The following MARCHF8 variants were observed in gnomAD, a reference collection of about 807,000 sequenced individuals.
The protein encoded by MARCHF8 is E3 ubiquitin-protein ligase MARCHF8.
Under a neutral mutation model 51.6 loss-of-function variants are expected in MARCHF8, and 40 were observed. The ratio of observed to expected loss-of-function variants is 0.77; its 90% CI spans 0.60 to 1.01. The LOEUF is 1.01. Ranked by LOEUF, MARCHF8 falls within the 50% of genes least tolerant of loss-of-function variation. The pLI is 0.00. For missense variants in MARCHF8, 685 were observed against 708.6 expected (o/e 0.97, Z 0.38); for synonymous variants, 263 against 280.3 (o/e 0.94, Z 0.62).
intron 1 of MARCHF8, among the ~76,000 whole-genome samples, chr10:45,563,630 G>A (rs2044334307): frequency 6.6e-6 from 1 of 152,058 alleles, no homozygotes; most frequent in Non-Finnish European, 1.5e-5. Flanking sequence ...AAAAAGAAAA[G>A]AGCACGGAAA....
At chr10:45,463,032 A>G in intron 5 of MARCHF8, 119 bp downstream of exon 5, 1 of 1,319,052 alleles carries the variant, frequency 7.6e-7, no homozygotes, top group Non-Finnish European at 1.0e-6. Flanking sequence ...AAAACCATCA[A>G]CCCACAACTG....
Position 45,563,050 on chromosome 10 carries a change from A to T in MARCHF8, c.-78-29761T>A, listed in dbSNP as rs573705384. Among the ~76,000 whole-genome samples the T allele has an allele frequency of 2.6e-5, 4 of 151,396 alleles. No homozygotes were observed. In the South Asian group the frequency reaches 8.4e-4, roughly 32 times the overall value. On this transcript the variant is annotated intron_variant, in intron 1 of 6. Transcript: ENST00000319836. ...CTCTCCTTCCCCTCCCTTCCAAGACAGAGTCTCACTCTGTCACCCAGGCTG... is the reference window on the plus strand; with the variant it reads ...CTCTCCTTCCCCTCCCTTCCAAGACTGAGTCTCACTCTGTCACCCAGGCTG...
chr10:45,562,265 G>A (rs2044319195), intron 1 of MARCHF8, among the ~76,000 whole-genome samples: 1 of 152,134 alleles, frequency 6.6e-6, no homozygotes, highest in African/African-American at 2.4e-5. Context: ...TTCAAAAACA[G>A]ATAAAAGACT....
At chr10:45,543,797 C>CAAAA (rs35514763) in intron 1 of MARCHF8, among the ~76,000 whole-genome samples, 871 of 49,732 alleles carry the variant, frequency 0.018, 49 homozygotes, top group African/African-American at 0.027. Context: ...GACTCCGTCT[C>CAAAA]AAAAAAAAAA....
rs541267602 is a variant in MARCHF8, at chr10:45,512,462, G to A, written c.102+20648C>T. ...AGGTGAGGGGCACCTCTGCCCGGCCGCCCCTACTGGGAAGTGAGGAGCCCC... is the reference window on the plus strand; with the variant it reads ...AGGTGAGGGGCACCTCTGCCCGGCCACCCCTACTGGGAAGTGAGGAGCCCC... On this transcript the variant is annotated intron_variant, in intron 2 of 7. Transcript: ENST00000453424. Among the ~76,000 whole-genome samples, 1,220 of 149,958 alleles carry A rather than the reference G, an allele frequency of 8.1e-3. 14 individuals are homozygous for A. Among genetic ancestry groups the A allele is most frequent in the Non-Finnish European group, 0.014 (974 of 67,316 alleles).
chr10:45,520,170 G>A (rs2043684426), intron 2 of MARCHF8, among the ~76,000 whole-genome samples: 1 of 152,196 alleles, frequency 6.6e-6, no homozygotes, highest in Non-Finnish European at 1.5e-5. Context: ...GTTGCTGTAA[G>A]GATTCAATTT....
intron 5 of MARCHF8, chr10:45,462,352 G>A (rs1400493352): frequency 6.6e-6 from 1 of 152,370 alleles, no homozygotes; most frequent in Non-Finnish European, 1.5e-5. Context: ...GTTAGGATGG[G>A]ACATAGGTGG....
chr10:45,513,303 C>A (rs2043564476), intron 2 of MARCHF8, among the ~76,000 whole-genome samples: 2 of 151,892 alleles, frequency 1.3e-5, no homozygotes, highest in Admixed American at 1.3e-4. Context: ...AGCAAGTAAC[C>A]TTTCTAGAAA....
At chr10:45,472,808 G>A (rs530881468) in intron 3 of MARCHF8, among the ~76,000 whole-genome samples, 7 of 152,334 alleles carry the variant, frequency 4.6e-5, no homozygotes, top group African/African-American at 1.4e-4. Flanking sequence ...GGAGCTGAAC[G>A]GAAACACTGC....
intron 2 of MARCHF8, among the ~76,000 whole-genome samples, chr10:45,501,906 A>C (rs2043287165): frequency 6.6e-6 from 1 of 152,192 alleles, no homozygotes; most frequent in Admixed American, 6.5e-5. Flanking sequence ...ACTGGCCATT[A>C]GATAAATGAA....
rs1310302038 is a variant in MARCHF8 at position 45,456,489 on chromosome 10, A to T, written c.*1750T>A. The stretch of plus-strand genomic sequence containing the variant: ...CCTGCTGCTATTAAGCCCACACCGT[A>T]GCTTAGAGATCCTTCAGCCTCCTGG... On this transcript the variant is annotated 3_prime_UTR_variant, in exon 8 of 8. Transcript: ENST00000453424. The T allele has an allele frequency of 6.6e-6, 1 of 152,278 alleles. No individual in the cohort carries two copies. The highest frequency in any genetic ancestry group is 2.4e-5 in the African/African-American group (1 of 41,458). The allele number at this position is 152,278 out of a possible 1,614,324, so 9.4% of individuals were successfully genotyped here. A position where few individuals can be genotyped will look rare whatever the true frequency, so the allele number is the denominator to read the frequency against.
upstream of MARCHF8, among the ~76,000 whole-genome samples, chr10:45,536,215 T>C (rs1315080271): frequency 2.0e-5 from 3 of 152,024 alleles, no homozygotes; most frequent in African/African-American, 4.8e-5. Flanking sequence ...GATATATCAA[T>C]GGAATAGAAT....
chr10:45,584,191 A>AC (rs1205178256), intron 1 of MARCHF8, among the ~76,000 whole-genome samples: 1 of 143,614 alleles, frequency 7.0e-6, no homozygotes, highest in Non-Finnish European at 1.5e-5. Flanking sequence ...TCACACATTC[A>AC]CAAGAACTAA....
intron 1 of MARCHF8, among the ~76,000 whole-genome samples, chr10:45,564,362 T>TG (rs2044342217): frequency 1.3e-5 from 2 of 152,118 alleles, no homozygotes; most frequent in South Asian, 4.1e-4. Context: ...ATGCACTTTA[T>TG]GATCTTAACA....
intron 3 of MARCHF8, among the ~76,000 whole-genome samples, chr10:45,469,957 C>A (rs1843113527): frequency 7.0e-6 from 1 of 142,452 alleles, no homozygotes; most frequent in Non-Finnish European, 1.5e-5. Flanking sequence ...TGTATTTCTA[C>A]AAAGAAAATA....
upstream of MARCHF8, among the ~76,000 whole-genome samples, chr10:45,536,708 G>A (rs2043974896): frequency 6.6e-6 from 1 of 151,638 alleles, no homozygotes; most frequent in Admixed American, 6.6e-5. Flanking sequence ...GTAACATAAG[G>A]GCAAGGCCAG....
At chr10:45,573,588 G>A (rs1008144655) in intron 1 of MARCHF8, among the ~76,000 whole-genome samples, 6 of 152,034 alleles carry the variant, frequency 3.9e-5, no homozygotes, top group African/African-American at 9.7e-5. Flanking sequence ...AATCCAACTC[G>A]CCCAGCAGCC....
At chr10:45,550,696 C>T (rs2044185564) in intron 1 of MARCHF8, among the ~76,000 whole-genome samples, 1 of 152,138 alleles carries the variant, frequency 6.6e-6, no homozygotes, top group Non-Finnish European at 1.5e-5. Context: ...TACAACCTTA[C>T]CCTTGTTCAT....
chr10:45,495,883 AAGAAAGG>A (rs2043167400), intron 2 of MARCHF8, among the ~76,000 whole-genome samples: 1 of 151,998 alleles, frequency 6.6e-6, no homozygotes, highest in Non-Finnish European at 1.5e-5. Context: ...AAGAAAAGAA[AAGAAAGG>A]AGAAAGGAAA....
Sources: allele counts gnomAD v4.1 joint callset (sites outside exome capture counted in the v4.1 genomes callset), GRCh38; gene constraint gnomAD v4.1.1; transcripts MANE v1.5; gene names NCBI Gene and HGNC (gene_info 2026-07-23, HGNC 2026-07-21).